Variants in TENM1 observed in about 807,000 individuals in gnomAD.
The protein encoded by TENM1 is teneurin transmembrane protein 1.
In TENM1, 35 loss-of-function variants were observed where a neutral mutation model predicts 174.8. The observed-to-expected ratio is 0.20, with a 90% CI of 0.15 to 0.27. TENM1 has a LOEUF of 0.27. TENM1 is among the 10% of genes least tolerant of loss of function. The pLI, the probability that TENM1 is intolerant of heterozygous loss-of-function variation, is 1.00. For missense variants in TENM1, 1,633 were observed against 2,130.1 expected (o/e 0.77, Z 4.59); for synonymous variants, 781 against 798.7 (o/e 0.98, Z 0.37).
chrX:124,458,972 A>G (rs749197344), intron 22 of TENM1, among the ~76,000 whole-genome samples: 1 of 112,393 alleles, frequency 8.9e-6, no homozygotes, highest in South Asian at 3.7e-4. Flanking sequence ...CTAGGCAATG[A>G]GAGTACAGGA....
At chrX:124,408,344 T>C (rs1185602187) in intron 25 of TENM1, among the ~76,000 whole-genome samples, 1 of 100,995 alleles carries the variant, frequency 9.9e-6, no homozygotes, top group African/African-American at 3.7e-5. Flanking sequence ...GTTTTCGCCA[T>C]GTTGGCCAGA....
chrX:124,497,990 C>T lies in TENM1; in HGVS notation c.3446-725G>A, dbSNP rs147849650. On this transcript the variant is annotated intron_variant, in intron 19 of 31. Transcript: ENST00000422452. The stretch of plus-strand genomic sequence containing the variant: ...CCATCCAGAGTTCTTAACTGACATG[C>T]CATTTCCTTCTAGACCTCTTTACTT... Among the ~76,000 whole-genome samples the T allele has an allele frequency of 5.4e-3, 597 of 111,399 alleles. 2 individuals carry two copies. The highest frequency in any genetic ancestry group is 0.018 in the African/African-American group (558 of 30,706).
chrX:124,656,679 C>T (rs1413475696), intron 6 of TENM1, among the ~76,000 whole-genome samples: 2 of 111,745 alleles, frequency 1.8e-5, no homozygotes, highest in African/African-American at 6.5e-5. Context: ...ATAGACTGCT[C>T]CATTTTATCA....
At chrX:124,486,514 T>C (rs2046957345) in intron 21 of TENM1, among the ~76,000 whole-genome samples, 1 of 112,115 alleles carries the variant, frequency 8.9e-6, no homozygotes, top group Non-Finnish European at 1.9e-5. Context: ...AGAAACCCCA[T>C]CAGTGCCATT....
At chrX:124,439,927 A>T (rs1023618871) in intron 23 of TENM1, among the ~76,000 whole-genome samples, 1 of 111,680 alleles carries the variant, frequency 9.0e-6, no homozygotes, top group African/African-American at 3.3e-5. Flanking sequence ...CCATTTACAG[A>T]TACAGAATTT....
the TENM1 span, among the ~76,000 whole-genome samples, chrX:125,014,652 T>C: frequency 2.2e-3 from 248 of 111,826 alleles, no homozygotes; most frequent in African/African-American, 7.6e-3. Context: ...AGTAGCTTGA[T>C]TGAGTACTTG....
intron 11 of TENM1, among the ~76,000 whole-genome samples, chrX:124,592,885 C>T (rs766113163): frequency 6.0e-4 from 66 of 109,387 alleles, no homozygotes; most frequent in Non-Finnish European, 1.0e-3. Context: ...ATGCACTTCT[C>T]TTAGCAGGTT....
intron 4 of TENM1, among the ~76,000 whole-genome samples, chrX:124,714,164 AG>A (rs1385054834): frequency 9.0e-6 from 1 of 111,620 alleles, no homozygotes; most frequent in East Asian, 2.8e-4. Flanking sequence ...TGCATTTCAT[AG>A]GTGAGGAGGC....
chrX:124,995,765 C>T, the TENM1 span, among the ~76,000 whole-genome samples: 2 of 111,081 alleles, frequency 1.8e-5, 1 homozygote, highest in Admixed American at 1.9e-4. Context: ...GAGCACTAAC[C>T]ATAGAAGGAA....
intron 1 of TENM1, among the ~76,000 whole-genome samples, chrX:124,960,798 T>C (rs1197474025): frequency 8.9e-6 from 1 of 111,999 alleles, no homozygotes; most frequent in Non-Finnish European, 1.9e-5. Flanking sequence ...AAAGACAAAC[T>C]TACAGATAAG....
At chrX:124,638,911 G>A (rs184283995) in intron 11 of TENM1, among the ~76,000 whole-genome samples, 4 of 111,083 alleles carry the variant, frequency 3.6e-5, no homozygotes, top group African/African-American at 1.3e-4. Flanking sequence ...TACATCTACC[G>A]TGGTCATTCC....
intron 5 of TENM1, among the ~76,000 whole-genome samples, chrX:124,687,890 T>C (rs1196500687): frequency 8.9e-6 from 1 of 112,503 alleles, no homozygotes; most frequent in Non-Finnish European, 1.9e-5. Context: ...GCGTGGTGGC[T>C]GTCAAGGACT....
the TENM1 span, among the ~76,000 whole-genome samples, chrX:125,061,521 C>T: frequency 8.9e-6 from 1 of 111,927 alleles, no homozygotes. Context: ...TAAAGTTAAG[C>T]TGAAGAGATA....
the TENM1 span, among the ~76,000 whole-genome samples, chrX:125,105,983 C>T: frequency 1.8e-5 from 2 of 111,982 alleles, no homozygotes; most frequent in Admixed American, 9.5e-5. Context: ...CAATGGCTTT[C>T]TTTCTGTTCC....
chrX:124,438,980 T>A (rs906438398), intron 23 of TENM1, among the ~76,000 whole-genome samples: 5 of 111,965 alleles, frequency 4.5e-5, no homozygotes, highest in South Asian at 3.7e-4. Flanking sequence ...TGGTTTTTTT[T>A]ATATATATAA....
intron 18 of TENM1, among the ~76,000 whole-genome samples, chrX:124,512,750 T>C (rs1193695331): frequency 8.9e-6 from 1 of 111,963 alleles, no homozygotes; most frequent in African/African-American, 3.2e-5. Context: ...TCTATTCTTC[T>C]CTTGTGATAT....
At chrX:124,999,617 G>A in the TENM1 span, among the ~76,000 whole-genome samples, 1 of 111,146 alleles carries the variant, frequency 9.0e-6, no homozygotes, top group Admixed American at 9.6e-5. Context: ...GATGGACTCA[G>A]ATTACATGGG....
chrX:124,596,844 A>C (rs1004696854), intron 11 of TENM1, among the ~76,000 whole-genome samples: 9 of 111,012 alleles, frequency 8.1e-5, no homozygotes, highest in African/African-American at 2.9e-4. Flanking sequence ...CCTTAGAAAG[A>C]TCTCTTTGGA....
the TENM1 span, among the ~76,000 whole-genome samples, chrX:125,006,892 A>G: frequency 8.9e-6 from 1 of 111,815 alleles, no homozygotes; most frequent in Non-Finnish European, 1.9e-5. Context: ...TCAAAGATCA[A>G]AGGTAGATAC....
Sources: gnomAD v4.1 joint callset for allele counts (sites outside exome capture counted in the v4.1 genomes callset) on GRCh38, gnomAD v4.1.1 for gene constraint, MANE v1.5 for transcripts, NCBI Gene and HGNC (gene_info 2026-07-23, HGNC 2026-07-21) for gene names.